The following QTMAN variants were observed in gnomAD, a reference collection of about 807,000 sequenced individuals.
QTMAN encodes tRNA-queuosine alpha-mannosyltransferase.
chr2:144,075,283 T>C, the QTMAN span, among the ~76,000 whole-genome samples: 4 of 152,330 alleles, frequency 2.6e-5, no homozygotes, highest in Non-Finnish European at 2.9e-5. Context: ...GAATGCTACA[T>C]AGCTAATCTG....
At chr2:144,317,174 T>C in the QTMAN span, among the ~76,000 whole-genome samples, 1 of 152,156 alleles carries the variant, frequency 6.6e-6, no homozygotes, top group African/African-American at 2.4e-5. Context: ...CCTTTTATAC[T>C]CCACTCATTT....
the QTMAN span, among the ~76,000 whole-genome samples, chr2:144,273,556 C>T: frequency 6.6e-6 from 1 of 152,258 alleles, no homozygotes; most frequent in Admixed American, 6.5e-5. Context: ...GGGAAAAGAA[C>T]TCAAGTTCAG....
chr2:144,079,014 T>C, the QTMAN span, among the ~76,000 whole-genome samples: 1 of 152,182 alleles, frequency 6.6e-6, no homozygotes. Context: ...CAAAGTACTG[T>C]ACTGCTATCT....
At chr2:144,017,549 G>C in the QTMAN span, among the ~76,000 whole-genome samples, 1 of 152,060 alleles carries the variant, frequency 6.6e-6, no homozygotes, top group African/African-American at 2.4e-5. Flanking sequence ...AGGGGTCTAG[G>C]CATATTGACT....
chr2:144,215,295 C>CAA, the QTMAN span, among the ~76,000 whole-genome samples: 1 of 148,714 alleles, frequency 6.7e-6, no homozygotes, highest in African/African-American at 2.5e-5. Context: ...CACACACACA[C>CAA]ACATATATAT....
chr2:144,218,045 A>G, the QTMAN span, among the ~76,000 whole-genome samples: 1 of 152,226 alleles, frequency 6.6e-6, no homozygotes, highest in Non-Finnish European at 1.5e-5. Context: ...CTCAGCAAAC[A>G]GAAAGTGTTC....
chr2:144,325,366 G>A, the QTMAN span, among the ~76,000 whole-genome samples: 1 of 152,020 alleles, frequency 6.6e-6, no homozygotes, highest in South Asian at 2.1e-4. Flanking sequence ...AATTATACTC[G>A]TCACAGAATA....
the QTMAN span, among the ~76,000 whole-genome samples, chr2:143,996,543 A>T: frequency 6.6e-6 from 1 of 152,114 alleles, no homozygotes. Flanking sequence ...TTCTTGTTAA[A>T]ATCAAGAATT....
the QTMAN span, among the ~76,000 whole-genome samples, chr2:144,108,256 G>A: frequency 1.0e-3 from 158 of 152,248 alleles, no homozygotes; most frequent in African/African-American, 3.7e-3. Flanking sequence ...TCTGGCCAGG[G>A]CAATCAGGCA....
chr2:143,999,395 A>G, the QTMAN span, among the ~76,000 whole-genome samples: 9 of 151,952 alleles, frequency 5.9e-5, no homozygotes, highest in East Asian at 3.9e-4. Context: ...AACACCACAC[A>G]TTAAGAGAAA....
At chr2:144,027,471 A>T in the QTMAN span, among the ~76,000 whole-genome samples, 1 of 152,148 alleles carries the variant, frequency 6.6e-6, no homozygotes, top group African/African-American at 2.4e-5. Flanking sequence ...ATGAAGCAAA[A>T]CCACATGAGA....
chr2:144,091,349 C>T, the QTMAN span, among the ~76,000 whole-genome samples: 4 of 151,802 alleles, frequency 2.6e-5, no homozygotes, highest in Non-Finnish European at 5.9e-5. Flanking sequence ...ATGTGTATGG[C>T]CTTGGGTTAT....
the QTMAN span, among the ~76,000 whole-genome samples, chr2:144,117,015 T>C: frequency 2.0e-5 from 3 of 152,116 alleles, no homozygotes; most frequent in Non-Finnish European, 1.5e-5. Context: ...AGTCAGTGAG[T>C]AAATGTCAAA....
the QTMAN span, among the ~76,000 whole-genome samples, chr2:144,220,261 G>A: frequency 1.3e-5 from 2 of 152,040 alleles, no homozygotes; most frequent in Non-Finnish European, 1.5e-5. Context: ...ATAATAGATT[G>A]GGATTTTTTT....
the QTMAN span, among the ~76,000 whole-genome samples, chr2:144,288,773 A>C: frequency 8.1e-4 from 124 of 152,286 alleles, no homozygotes; most frequent in African/African-American, 2.9e-3. Flanking sequence ...ATGTTCTATG[A>C]AGAATTTGAG....
chr2:144,095,865 T>C, the QTMAN span, among the ~76,000 whole-genome samples: 2 of 152,194 alleles, frequency 1.3e-5, no homozygotes. Context: ...CCTACTCTGA[T>C]ATTTTTAAAC....
chr2:144,289,029 C>CTT, the QTMAN span, among the ~76,000 whole-genome samples: 162 of 115,954 alleles, frequency 1.4e-3, no homozygotes, highest in East Asian at 1.9e-3. Flanking sequence ...CAAGAAAATT[C>CTT]TTTTTTTTTT....
At chr2:144,102,922 G>T in the QTMAN span, among the ~76,000 whole-genome samples, 11 of 152,234 alleles carry the variant, frequency 7.2e-5, no homozygotes, top group South Asian at 2.1e-3. Flanking sequence ...AACCATGAGG[G>T]GAGTGCAGCT....
the QTMAN span, among the ~76,000 whole-genome samples, chr2:143,980,590 TAGAG>T: frequency 6.6e-6 from 1 of 152,190 alleles, no homozygotes; most frequent in Non-Finnish European, 1.5e-5. Context: ...CAGATGAATA[TAGAG>T]AATCTTCACT....
Sources: gnomAD v4.1 joint callset for allele counts (sites outside exome capture counted in the v4.1 genomes callset) on GRCh38, gnomAD v4.1.1 for gene constraint, MANE v1.5 for transcripts, NCBI Gene and HGNC (gene_info 2026-07-23, HGNC 2026-07-21) for gene names.